The following LRPPRC variants were observed in gnomAD, a reference collection of about 807,000 sequenced individuals.
The protein encoded by LRPPRC is leucine-rich PPR motif-containing protein, mitochondrial.
LRPPRC carries 120 observed loss-of-function variants against 180.3 expected under a neutral mutation model. The ratio of observed to expected loss-of-function variants is 0.67; its 90% confidence interval spans 0.57 to 0.77. The LOEUF (loss-of-function observed/expected upper bound fraction) is 0.77, where lower values mean the gene tolerates loss of function less well. Among genes scored for constraint, LRPPRC ranks in the 30% least tolerant of loss-of-function variants. The pLI is 0.00. For synonymous variants in LRPPRC, 723 were observed against 600.0 expected, an observed-to-expected ratio of 1.21 and a Z score of -3.00; for missense variants, 2,012 against 1,657.2, an observed-to-expected ratio of 1.21 and a Z score of -3.72.
In LRPPRC at chr2:43,982,221, A is replaced by G; in HGVS notation, c.346+17T>C. On this transcript the variant is annotated intron_variant, in intron 2 of 37. Transcript: ENST00000260665. ...CCAGCCAAAAGTCAACTTTATGAAC[A>G]GGAAATTTTGAAATACCTGAGCGGC... is the stretch of plus-strand genomic sequence containing the variant. The G allele has an allele frequency of 4.5e-6, 7 of 1,541,388 alleles. No homozygotes were observed. Among genetic ancestry groups the G allele is most frequent in the Non-Finnish European group, 5.2e-6 (6 of 1,146,236 alleles).
chr2:43,899,526 C>T lies in LRPPRC; in HGVS notation c.3649G>A (p.Gly1217Ser), dbSNP rs1312042507. 12 of 1,613,126 alleles carry T rather than the reference C, an allele frequency of 7.4e-6. No individual in the cohort carries two copies. Among genetic ancestry groups the T allele is most frequent in the Non-Finnish European group, 9.3e-6 (11 of 1,179,338 alleles). Residue 1217 changes from glycine (G) to serine (S), a missense_variant, in exon 33 of 38, where the codon GGC (glycine) becomes AGC (serine). Coordinates refer to ENST00000260665, the MANE Select transcript of LRPPRC (RefSeq NM_133259.4). The part of the protein sequence containing the change: ...ENKVIEPQYF[G>S]LAYLFRKVIE... ...ACTTTTCTGAATAAGTATGCCAAGCCGAAGTATTGGGGTTCAATGACTTTA... is the reference window on the plus strand; with the variant it reads ...ACTTTTCTGAATAAGTATGCCAAGCTGAAGTATTGGGGTTCAATGACTTTA...
intron 30 of LRPPRC, among the ~76,000 whole-genome samples, chr2:43,909,695 C>T (rs1054634201): frequency 6.6e-6 from 1 of 151,406 alleles, no homozygotes; most frequent in South Asian, 2.1e-4. Context: ...ATGTTTGTGG[C>T]CTTGAAGTAG....
intron 15 of LRPPRC, 64 bp downstream of exon 15, chr2:43,950,509 A>G: frequency 7.4e-7 from 1 of 1,355,434 alleles, no homozygotes; most frequent in East Asian, 2.3e-5. Context: ...ATTATTACAT[A>G]ACCTATGGTA....
chr2:43,994,078 G>C (rs1674908969), intron 1 of LRPPRC, among the ~76,000 whole-genome samples: 2 of 151,794 alleles, frequency 1.3e-5, no homozygotes, highest in African/African-American at 4.8e-5. Flanking sequence ...GAAGATAAAA[G>C]AAAATGTGGA....
rs1488765694 is a variant in LRPPRC at position 43,918,260 on chromosome 2, G to C, written c.3035C>G (p.Pro1012Arg). 7.4e-6 allele frequency: 12 copies of C among 1,613,032 alleles called. No individual in the cohort carries two copies. The highest frequency in any genetic ancestry group is 1.0e-5 in the Non-Finnish European group (12 of 1,179,226). Residue 1012 changes from proline (P) to arginine (R), a missense_variant, in exon 28 of 38, where the codon CCT becomes CGT. Coordinates refer to ENST00000260665, the MANE Select transcript of LRPPRC (RefSeq NM_133259.4). ...EGNQEVPFDVPELWYEDEKHS... is the reference protein window; with the variant it reads ...EGNQEVPFDVRELWYEDEKHS... The stretch of plus-strand genomic sequence containing the variant: ...GATTATGCCAAAAACAATTACCTCA[G>C]GTACGTCAAACGGAACTTCCTGGTT...
intron 34 of LRPPRC, among the ~76,000 whole-genome samples, chr2:43,898,940 G>C (rs547331713): frequency 6.6e-6 from 1 of 152,196 alleles, no homozygotes; most frequent in East Asian, 1.9e-4. Flanking sequence ...TCATTTCAGC[G>C]AAACTCGCTG....
chr2:43,915,141 T>C (rs148638842), intron 29 of LRPPRC, among the ~76,000 whole-genome samples: 1 of 147,086 alleles, frequency 6.8e-6, no homozygotes, highest in Non-Finnish European at 1.5e-5. Context: ...GGAGAATCAC[T>C]TGAGTCCAGA....
At chr2:43,957,271 C>T in intron 14 of LRPPRC, 114 bp downstream of exon 14, 1 of 798,388 alleles carries the variant, frequency 1.3e-6, no homozygotes, top group Non-Finnish European at 2.2e-6. Flanking sequence ...TTCAGGTAAA[C>T]TGAATGTACA....
Position 43,888,649 on chromosome 2 carries a change from A to G in LRPPRC, c.4136T>C (p.Phe1379Ser). Residue 1379 changes from phenylalanine to serine, a missense_variant, in exon 38 of 38, where the codon TTT becomes TCT. Transcript: ENST00000260665. The stretch of plus-strand genomic sequence containing the variant: ...TCTTAGCTGCTGTGCATAAAATTCA[A>G]AGCTTTCCTGTTAAGGAGAAAAAAA... ...PVPFIEPPESFEFYAQQLRKL... is the reference protein window; with the variant it reads ...PVPFIEPPESSEFYAQQLRKL... 1 of 1,591,810 alleles carries G rather than the reference A, an allele frequency of 6.3e-7. No homozygotes were observed. The highest frequency in any genetic ancestry group is 8.6e-7 in the Non-Finnish European group (1 of 1,159,898).
chr2:43,910,459 T>C (rs1671216616), intron 30 of LRPPRC, among the ~76,000 whole-genome samples: 1 of 152,200 alleles, frequency 6.6e-6, no homozygotes, highest in African/African-American at 2.4e-5. Context: ...GGTCTCGAAC[T>C]CCTGACCTCA....
chr2:43,959,679 C>T (rs1484961994), intron 13 of LRPPRC, among the ~76,000 whole-genome samples: 1 of 151,894 alleles, frequency 6.6e-6, no homozygotes, highest in Non-Finnish European at 1.5e-5. Flanking sequence ...CTGAGGCAGG[C>T]GGATCACTTG....
intron 1 of LRPPRC, among the ~76,000 whole-genome samples, chr2:43,990,665 T>C (rs1363751864): frequency 6.6e-6 from 1 of 152,154 alleles, no homozygotes; most frequent in Non-Finnish European, 1.5e-5. Context: ...CCCCCTGCCA[T>C]AAAACAAATG....
chr2:43,950,658 T>C (rs2103624900), intron 14 of LRPPRC, 58 bp from the exon 15 acceptor site: 1 of 1,088,108 alleles, frequency 9.2e-7, no homozygotes, highest in African/African-American at 1.5e-5. Flanking sequence ...AGTATATGCA[T>C]ACTTGTAATA....
rs189881213 is a variant in LRPPRC, at chr2:43,890,239, G to C, written c.3986-363C>G. 1.2e-5 allele frequency: 5 copies of C among 420,546 alleles called. No individual in the cohort carries two copies. The Admixed American group carries it at 1.6e-4, about 13-fold the overall frequency. 26.1% of individuals were successfully genotyped at this position (420,546 alleles called of 1,614,324 possible). A position where few individuals can be genotyped will look rare whatever the true frequency, so the allele number is the denominator to read the frequency against. On this transcript the variant is annotated intron_variant, in intron 36 of 37. Transcript: ENST00000260665. ...AATACACACCATTCAATCCCCTTTG[G>C]CTTAAAACCACTGTGAAATCAAGAT... is the stretch of plus-strand genomic sequence containing the variant.
At chr2:43,951,783 A>G (rs925444268) in intron 14 of LRPPRC, among the ~76,000 whole-genome samples, 2 of 152,186 alleles carry the variant, frequency 1.3e-5, no homozygotes, top group African/African-American at 4.8e-5. Flanking sequence ...TCCAGTCTAA[A>G]TTTTGTACTT....
Position 43,918,321 on chromosome 2 carries a change from T to C in LRPPRC, c.2974A>G (p.Thr992Ala), listed in dbSNP as rs369371090. ...QEENVIPREKTLRLLAEILRE... is the reference protein window; with the variant it reads ...QEENVIPREKALRLLAEILRE... Reference sequence around the variant, plus strand: ...AGGATTTCTGCTAATAATCTTAATGTCTTTTCACGAGGAATAACATTTTCT... The same window carrying C: ...AGGATTTCTGCTAATAATCTTAATGCCTTTTCACGAGGAATAACATTTTCT... Residue 992 changes from threonine (T) to alanine (A), a missense_variant, in exon 28 of 38, where the codon ACA (threonine) becomes GCA (alanine). By Grantham distance (58) the Thr-to-Ala change is moderately conservative. Coordinates refer to ENST00000260665, the MANE Select transcript of LRPPRC (RefSeq NM_133259.4). The C allele has an allele frequency of 6.2e-7, 1 of 1,609,908 alleles. No individual in the cohort carries two copies. The highest frequency in any genetic ancestry group is 8.5e-7 in the Non-Finnish European group (1 of 1,176,194).
chr2:43,956,478 C>CGT (rs56919652), intron 14 of LRPPRC, among the ~76,000 whole-genome samples: 27,689 of 142,372 alleles, frequency 0.19, 2,765 homozygotes, highest in Middle Eastern at 0.35. Flanking sequence ...AAGAAAAAAA[C>CGT]GTGTGTGTGT....
intron 36 of LRPPRC, among the ~76,000 whole-genome samples, chr2:43,891,868 T>A (rs1305965024): frequency 6.6e-6 from 1 of 152,240 alleles, no homozygotes. Flanking sequence ...CAGTTGTGAA[T>A]GCAAAGGAAA....
At chr2:43,976,734 T>G (rs1172040493) in intron 5 of LRPPRC, among the ~76,000 whole-genome samples, 5 of 150,274 alleles carry the variant, frequency 3.3e-5, no homozygotes, top group Non-Finnish European at 7.4e-5. Context: ...AAAAGCAAAG[T>G]CAGCTTTATA....
Sources: gnomAD v4.1 joint callset for allele counts (sites outside exome capture counted in the v4.1 genomes callset) on GRCh38, gnomAD v4.1.1 for gene constraint, MANE v1.5 for transcripts, NCBI Gene and HGNC (gene_info 2026-07-23, HGNC 2026-07-21) for gene names.